Variants in SPATA7 observed in about 807,000 individuals in gnomAD.
SPATA7 encodes spermatogenesis associated 7, also known as spermatogenesis-associated protein 7.
Under a neutral mutation model 51.8 loss-of-function variants are expected in SPATA7, and 43 were observed. The ratio of observed to expected loss-of-function variants is 0.83; its 90% CI spans 0.65 to 1.07. The LOEUF (loss-of-function observed/expected upper bound fraction) is 1.07. SPATA7 is among the 50% of genes least tolerant of loss of function. The probability of loss-of-function intolerance (pLI) is 0.00; values close to 1 mark genes in which losing one functional copy is unlikely to be tolerated. For synonymous variants in SPATA7, 230 were observed against 252.8 expected (o/e 0.91, Z 0.86); for missense variants, 683 against 701.3 (o/e 0.97, Z 0.30).
chr14:88,416,037 G>A (rs532479804), intron 4 of SPATA7: 10 of 152,240 alleles, frequency 6.6e-5, no homozygotes, highest in African/African-American at 1.9e-4. Context: ...TTCCCTCTTC[G>A]CCTTCCACCA....
At chr14:88,424,743 C>A (rs1313375278) in intron 5 of SPATA7, among the ~76,000 whole-genome samples, 1 of 152,088 alleles carries the variant, frequency 6.6e-6, no homozygotes. Context: ...AAGTCATTTA[C>A]CAAATAGTAC....
chr14:88,468,177 C>G (rs993657645), intron 4 of SPATA7: 2 of 1,613,746 alleles, frequency 1.2e-6, no homozygotes, highest in Non-Finnish European at 1.7e-6. Flanking sequence ...GATGAGGACT[C>G]TGTACACAAA....
intron 2 of SPATA7, 170 bp downstream of exon 2, chr14:88,391,625 G>C (rs1414120417): frequency 1.4e-6 from 1 of 692,638 alleles, no homozygotes; most frequent in East Asian, 3.0e-5. Flanking sequence ...GAATTTTGGA[G>C]TCTATGATTT....
At chr14:88,433,304 T>C in intron 10 of SPATA7, 92 bp downstream of exon 10, 1 of 903,554 alleles carries the variant, frequency 1.1e-6, no homozygotes, top group South Asian at 1.5e-5. Flanking sequence ...AAAGTTATTT[T>C]CCCATATTAG....
intron 7 of SPATA7, chr14:88,428,940 ATTATTG>A: frequency 4.9e-6 from 1 of 202,060 alleles, no homozygotes; most frequent in African/African-American, 2.4e-5. Flanking sequence ...GTTTGTTAAT[ATTATTG>A]TTCATGCTGC....
Position 88,385,683 on chromosome 14 carries a change from TG to T in SPATA7, c.-134del. On this transcript the variant is annotated 5_prime_UTR_variant, in exon 1 of 12. Coordinates refer to ENST00000393545, the MANE Select transcript of SPATA7 (RefSeq NM_018418.5). ...CTGGACCCAGCCCTTAGCAACGGCC[TG>T]GCAACGGTTTCCCTGCTGCTGCAGC... 1.2e-6 allele frequency: 1 copy of T among 851,804 alleles called. No individual in the cohort carries two copies. Among genetic ancestry groups the T allele is most frequent in the Non-Finnish European group, 1.9e-6 (1 of 515,546 alleles). 52.8% of individuals were successfully genotyped at this position (851,804 alleles called of 1,614,324 possible). A position where few individuals can be genotyped will look rare whatever the true frequency, so the allele number is the denominator to read the frequency against.
intron 3 of SPATA7, among the ~76,000 whole-genome samples, chr14:88,448,704 G>T (rs1346298191): frequency 1.3e-5 from 2 of 152,132 alleles, no homozygotes; most frequent in Non-Finnish European, 2.9e-5. Context: ...CCTTCTAACA[G>T]TCAGGACCCT....
chr14:88,445,874 T>A (rs1439190746), intron 3 of SPATA7, among the ~76,000 whole-genome samples: 4 of 152,216 alleles, frequency 2.6e-5, no homozygotes, highest in Non-Finnish European at 5.9e-5. Flanking sequence ...GATGTGCTGC[T>A]GGATTCGGTT....
At chr14:88,388,091 A>G (rs1156728849) in intron 1 of SPATA7, among the ~76,000 whole-genome samples, 1 of 151,984 alleles carries the variant, frequency 6.6e-6, no homozygotes, top group Non-Finnish European at 1.5e-5. Flanking sequence ...AGTCCCAGCT[A>G]CTCGGGAGGC....
chr14:88,464,736 GA>G lies in SPATA7; in HGVS notation c.255-5102del, dbSNP rs778916172. Among the ~76,000 whole-genome samples the G allele has an allele frequency of 2.0e-4, 29 of 148,654 alleles. 2 individuals are homozygous for G. The highest frequency in any genetic ancestry group is 1.2e-4 in the Non-Finnish European group (8 of 67,394). On this transcript the variant is annotated intron_variant, in intron 4 of 4. Coordinates refer to the SPATA7 transcript ENST00000556406. Reference sequence around the variant, plus strand: ...CAGAACGAAACTCCGTCTCAAAAAAGAAAAAAAAAGTCTTATTTACAATAAT... The same window carrying G: ...CAGAACGAAACTCCGTCTCAAAAAAGAAAAAAAAGTCTTATTTACAATAAT...
downstream of SPATA7, among the ~76,000 whole-genome samples, chr14:88,442,166 A>G (rs928540109): frequency 8.1e-6 from 1 of 123,592 alleles, no homozygotes; most frequent in Admixed American, 9.1e-5. Flanking sequence ...CCTTTGGTCT[A>G]TATGCCTGTT....
chr14:88,464,733 AAAG>A (rs1273382261), intron 4 of SPATA7, among the ~76,000 whole-genome samples: 1 of 151,418 alleles, frequency 6.6e-6, no homozygotes, highest in Non-Finnish European at 1.5e-5. Flanking sequence ...CCGTCTCAAA[AAAG>A]AAAAAAAAAG....
At chr14:88,408,234 A>G (rs939477924) in intron 4 of SPATA7, among the ~76,000 whole-genome samples, 4 of 152,150 alleles carry the variant, frequency 2.6e-5, no homozygotes, top group African/African-American at 9.7e-5. Context: ...GATTCTTCCT[A>G]TCCATGAGCA....
chr14:88,440,151 A>G (rs140469305), downstream of SPATA7, among the ~76,000 whole-genome samples: 166 of 152,020 alleles, frequency 1.1e-3, no homozygotes, highest in African/African-American at 3.8e-3. Context: ...ACTACCCCAG[A>G]CCTACTGGCC....
chr14:88,412,430 G>A (rs2076367376), intron 4 of SPATA7, among the ~76,000 whole-genome samples: 1 of 152,010 alleles, frequency 6.6e-6, no homozygotes, highest in Non-Finnish European at 1.5e-5. Context: ...GATGTTTGAG[G>A]GCAGGAAGCA....
At chr14:88,434,633 C>A (rs1462234149) in intron 10 of SPATA7, among the ~76,000 whole-genome samples, 3 of 149,120 alleles carry the variant, frequency 2.0e-5, no homozygotes, top group South Asian at 2.1e-4. Flanking sequence ...TTGCAGTGAG[C>A]TGAGATCGCG....
At chr14:88,419,588 G>A (rs1291400178) in intron 5 of SPATA7, among the ~76,000 whole-genome samples, 4 of 149,774 alleles carry the variant, frequency 2.7e-5, no homozygotes, top group South Asian at 2.1e-4. Flanking sequence ...CTGCAGTGGC[G>A]CTATCTTGGC....
chr14:88,457,451 A>T (rs1242458243), downstream of SPATA7, among the ~76,000 whole-genome samples: 1 of 152,138 alleles, frequency 6.6e-6, no homozygotes, highest in Non-Finnish European at 1.5e-5. Flanking sequence ...ATCCCTTGTA[A>T]GTTGGATTCC....
chr14:88,418,256 T>G lies in SPATA7; in HGVS notation c.372+1412T>G, dbSNP rs1037923420. The stretch of plus-strand genomic sequence containing the variant: ...TTTTCTGTTTTGTTAATATCTGTGT[T>G]TATCTTTATTTCCCTCTCTCTGGGT... On this transcript the variant is annotated intron_variant, in intron 5 of 11. Coordinates refer to ENST00000393545, the MANE Select transcript of SPATA7 (RefSeq NM_018418.5). Among the ~76,000 whole-genome samples, 2 of 151,314 alleles carry G rather than the reference T, an allele frequency of 1.3e-5. 1 individual carries two copies. Among genetic ancestry groups the G allele is most frequent in the East Asian group, 3.9e-4 (2 of 5,188 alleles).
Sources: allele counts gnomAD v4.1 joint callset (sites outside exome capture counted in the v4.1 genomes callset), GRCh38; gene constraint gnomAD v4.1.1; transcripts MANE v1.5; gene names NCBI Gene and HGNC (gene_info 2026-07-23, HGNC 2026-07-21).